The following CEP83 variants were observed in gnomAD, a reference collection of about 807,000 sequenced individuals.
CEP83 encodes centrosomal protein of 83 kDa.
Under a neutral mutation model 101.9 loss-of-function variants are expected in CEP83, and 70 were observed. The observed-to-expected ratio is 0.69, with a 90% CI of 0.57 to 0.84. CEP83 has a LOEUF of 0.84. Ranked by LOEUF, CEP83 falls within the 40% of genes least tolerant of loss-of-function variation. The pLI, the probability that CEP83 is intolerant of heterozygous loss-of-function variation, is 0.00. For synonymous variants in CEP83, 264 were observed against 267.9 expected (o/e 0.99, Z 0.14); for missense variants, 715 against 787.2 (o/e 0.91, Z 1.10).
intron 11 of CEP83, among the ~76,000 whole-genome samples, chr12:94,367,557 GACA>G (rs1565998829): frequency 6.6e-6 from 1 of 152,080 alleles, no homozygotes; most frequent in Non-Finnish European, 1.5e-5. Flanking sequence ...ACATCAGTGG[GACA>G]ACTGGTAAAA....
the CEP83 span, among the ~76,000 whole-genome samples, chr12:94,273,843 G>T: frequency 6.6e-6 from 1 of 152,178 alleles, no homozygotes; most frequent in Admixed American, 6.5e-5. Flanking sequence ...AAGGATGCCT[G>T]AAATAGTAAG....
the CEP83 span, chr12:94,279,455 T>C: frequency 1.2e-6 from 2 of 1,601,304 alleles, no homozygotes; most frequent in African/African-American, 1.3e-5. Flanking sequence ...CTTGGAAACC[T>C]GTTTGTACTC....
At chr12:94,297,403 A>G in the CEP83 span, 1 of 1,613,154 alleles carries the variant, frequency 6.2e-7, no homozygotes, top group Non-Finnish European at 8.5e-7. Context: ...AATGTATCTG[A>G]CAAAGCTGCT....
intron 4 of CEP83, among the ~76,000 whole-genome samples, chr12:94,403,498 C>T (rs767483257): frequency 2.2e-4 from 34 of 152,142 alleles, no homozygotes; most frequent in Non-Finnish European, 5.9e-5. Context: ...AAGACAATTA[C>T]TGATTATTAT....
intron 11 of CEP83, among the ~76,000 whole-genome samples, chr12:94,349,905 C>A (rs2060124334): frequency 6.6e-6 from 1 of 152,026 alleles, no homozygotes; most frequent in Non-Finnish European, 1.5e-5. Context: ...ATTCCATTTA[C>A]AATAGCATCA....
rs576785667 is a variant in CEP83 at position 94,325,270 on chromosome 12, CA to C, written c.1707+6429del. ...CACTGCAACCTCTGCCTCCAGGGTT[CA>C]AGCAATTCTCCCTGCCTTAGCCCCC... On this transcript the variant is annotated intron_variant, in intron 14 of 16. Coordinates refer to ENST00000397809, the MANE Select transcript of CEP83 (RefSeq NM_016122.3). Among the ~76,000 whole-genome samples, 60 of 151,962 alleles carry C rather than the reference CA, an allele frequency of 3.9e-4. No individual in the cohort carries two copies. In the South Asian group the frequency reaches 0.012, roughly 32 times the overall value.
intron 1 of CEP83, among the ~76,000 whole-genome samples, chr12:94,448,515 G>A (rs1212006021): frequency 6.6e-6 from 1 of 151,932 alleles, no homozygotes; most frequent in East Asian, 1.9e-4. Context: ...AATTTTCCAG[G>A]ATACACCACA....
intron 2 of CEP83, among the ~76,000 whole-genome samples, chr12:94,432,029 A>C (rs371631962): frequency 6.6e-6 from 1 of 152,136 alleles, no homozygotes; most frequent in African/African-American, 2.4e-5. Context: ...CAGAATCGAC[A>C]TAAGTGTCCA....
At chr12:94,423,766 T>A (rs1017626849) in intron 2 of CEP83, 1 of 1,613,378 alleles carries the variant, frequency 6.2e-7, no homozygotes, top group Non-Finnish European at 8.5e-7. Context: ...CTGGAAAGAA[T>A]AGACCCCATG....
At chr12:94,289,160 T>G in the CEP83 span, among the ~76,000 whole-genome samples, 4 of 152,196 alleles carry the variant, frequency 2.6e-5, no homozygotes, top group South Asian at 8.3e-4. Flanking sequence ...TATAAAGAAA[T>G]CTTACCTTCA....
chr12:94,397,688 A>T (rs2062988744), intron 6 of CEP83, among the ~76,000 whole-genome samples: 3 of 152,342 alleles, frequency 2.0e-5, no homozygotes, highest in African/African-American at 7.2e-5. Flanking sequence ...GATAAGTATC[A>T]TCATTAGATT....
chr12:94,325,787 T>A (rs965183505), intron 14 of CEP83, among the ~76,000 whole-genome samples: 1 of 152,204 alleles, frequency 6.6e-6, no homozygotes, highest in Non-Finnish European at 1.5e-5. Context: ...ATAGGCTTTA[T>A]GAGTTCTTAT....
chr12:94,367,209 A>T (rs1416204336), intron 11 of CEP83, among the ~76,000 whole-genome samples: 1 of 152,126 alleles, frequency 6.6e-6, no homozygotes, highest in Non-Finnish European at 1.5e-5. Flanking sequence ...CAGACTTGAA[A>T]TATCATATGG....
intron 11 of CEP83, among the ~76,000 whole-genome samples, chr12:94,366,411 T>C (rs2061030295): frequency 6.6e-6 from 1 of 152,190 alleles, no homozygotes; most frequent in African/African-American, 2.4e-5. Context: ...TGTAAGTTAA[T>C]AGGTTTGTTT....
chr12:94,313,623 G>C (rs1970217840), intron 14 of CEP83, among the ~76,000 whole-genome samples: 1 of 151,214 alleles, frequency 6.6e-6, no homozygotes, highest in African/African-American at 2.4e-5. Flanking sequence ...CAGATCACAA[G>C]GTCAAGAGAT....
chr12:94,297,114 T>C, the CEP83 span: 1 of 1,469,746 alleles, frequency 6.8e-7, no homozygotes, highest in Non-Finnish European at 9.5e-7. Context: ...ATGGGGCCTT[T>C]TAAGAGAAGG....
In CEP83 at chr12:94,400,980, T is replaced by C; in HGVS notation, c.419A>G (p.Glu140Gly). The C allele has an allele frequency of 7.3e-7, 1 of 1,364,562 alleles. No homozygotes were observed. Among genetic ancestry groups the C allele is most frequent in the Non-Finnish European group, 9.6e-7 (1 of 1,045,198 alleles). The allele number at this position is 1,364,562 out of a possible 1,614,324, so 84.5% of individuals were successfully genotyped here. ...ATATACAGCTCTATACTTTTCTACC[T>C]CCTAAAGGGAGAATGCATTTATCAT... ...MRERFRNLDE[E>G]VEKYRAVYNK... The change falls in exon 6 of 17, where the codon GAG becomes GGG. Residue 140 changes from glutamate (E) to glycine (G), a missense_variant and splice_region_variant. Glu to Gly is a moderately conservative substitution (Grantham distance 98). Transcript: ENST00000397809.
chr12:94,419,315 A>G (rs1254110434), intron 2 of CEP83, among the ~76,000 whole-genome samples: 1 of 152,118 alleles, frequency 6.6e-6, no homozygotes, highest in Non-Finnish European at 1.5e-5. Context: ...AGATGTGCAA[A>G]CTATTTATTA....
the CEP83 span, among the ~76,000 whole-genome samples, chr12:94,291,036 C>T: frequency 6.6e-6 from 1 of 152,218 alleles, no homozygotes; most frequent in African/African-American, 2.4e-5. Flanking sequence ...GCCCGAAGGG[C>T]ACTTCCTTGC....
Sources: allele counts gnomAD v4.1 joint callset (sites outside exome capture counted in the v4.1 genomes callset), GRCh38; gene constraint gnomAD v4.1.1; transcripts MANE v1.5; gene names NCBI Gene and HGNC (gene_info 2026-07-23, HGNC 2026-07-21).